Variants in HGD observed in about 807,000 individuals in gnomAD.
HGD encodes the protein homogentisate oxidase.
Under a neutral mutation model 60.8 loss-of-function variants are expected in HGD, and 61 were observed. The ratio of observed to expected loss-of-function variants is 1.00; its 90% CI spans 0.82 to 1.24. HGD has a LOEUF of 1.24. Ranked by LOEUF, HGD falls within the 50% of genes most tolerant of loss-of-function variation. The probability of loss-of-function intolerance (pLI) is 0.00; values close to 1 mark genes in which losing one functional copy is unlikely to be tolerated. For synonymous variants in HGD, 212 were observed against 187.7 expected (o/e 1.13, Z -1.06); for missense variants, 542 against 547.1 (o/e 0.99, Z 0.09).
intron 3 of HGD, among the ~76,000 whole-genome samples, chr3:120,671,320 C>T (rs566750140): frequency 6.6e-5 from 10 of 152,180 alleles, no homozygotes; most frequent in African/African-American, 2.2e-4. Context: ...AAAATAGTAT[C>T]TCATTTTATT....
chr3:120,641,695 T>C lies in HGD; in HGVS notation c.775-2A>G, dbSNP rs780119397. ...CACAACATTGAACGGGGAGACATCC[T>C]AAACACAAAAAGCAGGAAAGGATAA... On this transcript the variant is annotated splice_acceptor_variant, in intron 10 of 13. Transcript: ENST00000283871. LOFTEE classifies it high-confidence loss of function. 8.7e-6 allele frequency: 14 copies of C among 1,601,962 alleles called. No individual in the cohort carries two copies. Among genetic ancestry groups the C allele is most frequent in the Non-Finnish European group, 1.2e-5 (14 of 1,168,878 alleles).
At chr3:120,678,445 T>C (rs1708173569) in intron 1 of HGD, among the ~76,000 whole-genome samples, 1 of 152,232 alleles carries the variant, frequency 6.6e-6, no homozygotes, top group Non-Finnish European at 1.5e-5. Context: ...CTGAGCTTTC[T>C]GGCAGGCACT....
intron 1 of HGD, among the ~76,000 whole-genome samples, chr3:120,676,620 G>C (rs759958344): frequency 5.3e-5 from 8 of 152,166 alleles, no homozygotes; most frequent in Non-Finnish European, 1.2e-4. Context: ...GTAATCAGTG[G>C]AAATTTGTCG....
Position 120,646,266 on chromosome 3 carries a change from C to T in HGD, c.649+1G>A. 2.5e-6 allele frequency: 4 copies of T among 1,579,872 alleles called. No homozygotes were observed. Among genetic ancestry groups the T allele is most frequent in the South Asian group, 1.1e-5 (1 of 90,334 alleles). ...CTTAGAGGCTTGTAATGAAGATTTA[C>T]CAATTGGTCCAAGGTCAGGTAACTC... On this transcript the variant is annotated splice_donor_variant, in intron 9 of 13. Coordinates refer to ENST00000283871, the MANE Select transcript of HGD (RefSeq NM_000187.4). LOFTEE classifies it high-confidence loss of function.
At chr3:120,679,745 T>G (rs1708199947) in intron 1 of HGD, among the ~76,000 whole-genome samples, 1 of 152,106 alleles carries the variant, frequency 6.6e-6, no homozygotes, top group Non-Finnish European at 1.5e-5. Flanking sequence ...GGAATGTGGG[T>G]AGCCTCTAGA....
intron 3 of HGD, among the ~76,000 whole-genome samples, chr3:120,672,594 C>A (rs145087220): frequency 2.0e-5 from 3 of 152,146 alleles, no homozygotes; most frequent in African/African-American, 7.2e-5. Flanking sequence ...CTCTTGATGA[C>A]GTGACCTCAG....
At chr3:120,632,331 A>C (rs1406331375) in intron 13 of HGD, among the ~76,000 whole-genome samples, 1 of 152,200 alleles carries the variant, frequency 6.6e-6, no homozygotes, top group African/African-American at 2.4e-5. Flanking sequence ...AAGTAAAGCA[A>C]ATTTGCATGT....
At chr3:120,639,064 T>C (rs528476285) in intron 11 of HGD, among the ~76,000 whole-genome samples, 2 of 152,326 alleles carry the variant, frequency 1.3e-5, no homozygotes, top group African/African-American at 4.8e-5. Context: ...CCCAGCCATG[T>C]GGAACTGTGG....
chr3:120,643,964 T>C (rs1941076495), intron 10 of HGD, among the ~76,000 whole-genome samples: 1 of 152,206 alleles, frequency 6.6e-6, no homozygotes, highest in Admixed American at 6.5e-5. Flanking sequence ...TTTCAGAACA[T>C]ATTATGCTGC....
intron 13 of HGD, 61 bp downstream of exon 13, chr3:120,633,086 C>T (rs546904135): frequency 1.3e-6 from 2 of 1,505,822 alleles, no homozygotes; most frequent in Admixed American, 1.7e-5. Context: ...AAAACGGCCA[C>T]CCCTCTCAGT....
chr3:120,659,871 G>A (rs1169106640), intron 4 of HGD, among the ~76,000 whole-genome samples: 1 of 148,248 alleles, frequency 6.7e-6, no homozygotes. Flanking sequence ...GGCTCAGAAA[G>A]TTTTCAATCA....
At chr3:120,645,700 A>C (rs1941135333) in intron 9 of HGD, among the ~76,000 whole-genome samples, 1 of 152,166 alleles carries the variant, frequency 6.6e-6, no homozygotes, top group African/African-American at 2.4e-5. Flanking sequence ...CACCCAGTCC[A>C]TCCCTCCTTT....
In HGD at chr3:120,640,199, T is replaced by TA. The variant is rs375297232; in HGVS notation, c.879+1389dup. Among the ~76,000 whole-genome samples the TA allele has an allele frequency of 4.7e-3, 145 of 31,182 alleles. 1 individual carries two copies. The highest frequency in any genetic ancestry group is 0.043 in the East Asian group (47 of 1,084). The allele number at this position is 31,182 out of a possible 152,430, so 20.5% of individuals were successfully genotyped here. Reference sequence around the variant, plus strand: ...GTACCCTTGAACCTAAAATAAAAGTTAAAAAAAAAAAAAGAAAGGAAGGAC... The same window carrying TA: ...GTACCCTTGAACCTAAAATAAAAGTTAAAAAAAAAAAAAAGAAAGGAAGGAC... On this transcript the variant is annotated intron_variant, in intron 11 of 13. Transcript: ENST00000283871.
chr3:120,662,971 G>T (rs1373220603), intron 4 of HGD, among the ~76,000 whole-genome samples: 1 of 152,134 alleles, frequency 6.6e-6, no homozygotes, highest in East Asian at 1.9e-4. Flanking sequence ...TTTGGCTATA[G>T]ACACAGAGGG....
At chr3:120,656,208 A>C (rs1941490390) in intron 4 of HGD, among the ~76,000 whole-genome samples, 1 of 152,174 alleles carries the variant, frequency 6.6e-6, no homozygotes, top group African/African-American at 2.4e-5. Flanking sequence ...AACCCTGCTA[A>C]CACCTCGGAC....
Position 120,628,430 on chromosome 3 carries a change from G to T in HGD, c.1288C>A (p.Leu430Ile), listed in dbSNP as rs1488335518. The T allele has an allele frequency of 1.2e-6, 2 of 1,614,070 alleles. No individual in the cohort carries two copies. Among genetic ancestry groups the T allele is most frequent in the Admixed American group, 3.3e-5 (2 of 60,018 alleles). Residue 430 changes from leucine (L) to isoleucine (I), a missense_variant, in exon 14 of 14, where the codon CTC becomes ATC. By Grantham distance (5) the Leu-to-Ile change is conservative (BLOSUM62 2). This residue lies in a region of HGD where 537 missense variants were observed against 529.1 expected (regional missense o/e 1.01). Coordinates refer to ENST00000283871, the MANE Select transcript of HGD (RefSeq NM_000187.4). ...DENYHKCWEP[L>I]KSHFTPNSRN... ...GAGTTGGGAGTGAAGTGGCTCTTGA[G>T]TGGCTCCCAGCACTTGTGGTAGTTC...
At chr3:120,672,757 T>G (rs762702072) in intron 3 of HGD, among the ~76,000 whole-genome samples, 1 of 152,204 alleles carries the variant, frequency 6.6e-6, no homozygotes, top group Non-Finnish European at 1.5e-5. Context: ...TTGTGAGAAC[T>G]CAGAGAGTTT....
intron 1 of HGD, among the ~76,000 whole-genome samples, chr3:120,679,903 GT>G (rs1378365037): frequency 6.6e-6 from 1 of 152,194 alleles, no homozygotes; most frequent in East Asian, 1.9e-4. Flanking sequence ...ATACATTTGT[GT>G]TGTTTTAAGC....
intron 6 of HGD, among the ~76,000 whole-genome samples, chr3:120,650,389 C>T (rs990948355): frequency 3.4e-4 from 52 of 152,184 alleles, no homozygotes; most frequent in African/African-American, 1.2e-3. Context: ...ATGGCTGTGT[C>T]GCAGGCCATT....
Sources: allele counts gnomAD v4.1 joint callset (sites outside exome capture counted in the v4.1 genomes callset), GRCh38; gene constraint gnomAD v4.1.1; regional missense constraint gnomAD v4.1.1; transcripts MANE v1.5; gene names NCBI Gene and HGNC (gene_info 2026-07-23, HGNC 2026-07-21).